EFHC1: variants seen among roughly 807,000 people sequenced by gnomAD.
EFHC1 encodes the protein EF-hand domain-containing protein 1.
Under a neutral mutation model 69.9 loss-of-function variants are expected in EFHC1, and 53 were observed. The ratio of observed to expected loss-of-function variants is 0.76; its 90% CI spans 0.61 to 0.95. EFHC1 has a LOEUF of 0.95. Ranked by LOEUF, EFHC1 falls within the 40% of genes least tolerant of loss-of-function variation. The probability of loss-of-function intolerance (pLI) is 0.00; values close to 1 mark genes in which losing one functional copy is unlikely to be tolerated. For missense variants in EFHC1, 739 were observed against 798.7 expected (o/e 0.93, Z 0.90); for synonymous variants, 256 against 278.4 (o/e 0.92, Z 0.80).
intron 3 of EFHC1, among the ~76,000 whole-genome samples, chr6:52,439,489 A>G (rs1353867508): frequency 1.3e-5 from 2 of 152,190 alleles, no homozygotes; most frequent in African/African-American, 4.8e-5. Flanking sequence ...TCAGATGACT[A>G]TGACAAGCTA....
intron 3 of EFHC1, among the ~76,000 whole-genome samples, chr6:52,440,422 C>T (rs1202670654): frequency 6.6e-6 from 1 of 152,034 alleles, no homozygotes; most frequent in African/African-American, 2.4e-5. Context: ...CACTGGGACC[C>T]TTTAAACAGC....
At chr6:52,448,319 C>G (rs917078721) in intron 3 of EFHC1, among the ~76,000 whole-genome samples, 1 of 152,224 alleles carries the variant, frequency 6.6e-6, no homozygotes, top group East Asian at 1.9e-4. Flanking sequence ...TTCAATCTCA[C>G]GCTGCTGTGC....
intron 5 of EFHC1, among the ~76,000 whole-genome samples, chr6:52,462,023 A>G (rs1461347074): frequency 1.3e-5 from 2 of 152,088 alleles, no homozygotes; most frequent in African/African-American, 4.8e-5. Context: ...ATTTCTTTCA[A>G]TAGTTGTTAG....
chr6:52,468,189 T>C (rs1338406137), intron 6 of EFHC1, among the ~76,000 whole-genome samples: 1 of 152,218 alleles, frequency 6.6e-6, no homozygotes, highest in African/African-American at 2.4e-5. Context: ...AAGCAGTATC[T>C]GAAGGTTATG....
rs150550566 is a variant in EFHC1 at position 52,493,365 on chromosome 6, C to CACATATATAT, written c.*1025_*1026insCATATATATA. 4.2e-5 allele frequency: 7 copies of CACATATATAT among 168,604 alleles called. No individual in the cohort carries two copies. Among genetic ancestry groups the CACATATATAT allele is most frequent in the Non-Finnish European group, 6.8e-5 (6 of 88,186 alleles). 10.4% of individuals were successfully genotyped at this position (168,604 alleles called of 1,614,324 possible). On this transcript the variant is annotated 3_prime_UTR_variant, in exon 11 of 11. Coordinates refer to ENST00000371068, the MANE Select transcript of EFHC1 (RefSeq NM_018100.4). Reference sequence around the variant, plus strand: ...ATAACTCTCTCTTTCTCTCTCTCTACATATATATATATATATATATTTTAT... The same window carrying CACATATATAT: ...ATAACTCTCTCTTTCTCTCTCTCTACACATATATATATATATATATATATATATATTTTAT...
At chr6:52,424,246 C>G in intron 2 of EFHC1, 79 bp downstream of exon 2, 1 of 1,359,328 alleles carries the variant, frequency 7.4e-7, no homozygotes, top group East Asian at 2.5e-5. Context: ...AAACAGTAAA[C>G]CACAGAATTT....
rs17851770 is a variant in EFHC1, at chr6:52,492,273, A to C, written c.1855A>C (p.Ile619Leu). 0.082 allele frequency: 132,272 copies of C among 1,613,132 alleles called. 6,446 individuals carry two copies. Among genetic ancestry groups the C allele is most frequent in the Non-Finnish European group, 0.096 (112,978 of 1,179,188 alleles). Residue 619 changes from isoleucine (I) to leucine (L), a missense_variant, in exon 11 of 11, where the codon ATC (isoleucine) becomes CTC (leucine). Transcript: ENST00000371068. ...PVDDSLVKEL[I>L]RMCSHGEGKI... ...ATTCTCTTTGCTCTCTCTGCAGTTA[A>C]TCAGGATGTGCTCTCATGGAGAAGG...
At chr6:52,457,642 C>T (rs1765072385) in intron 5 of EFHC1, among the ~76,000 whole-genome samples, 1 of 151,954 alleles carries the variant, frequency 6.6e-6, no homozygotes, top group Admixed American at 6.6e-5. Flanking sequence ...TGCATATTAC[C>T]AATAGGTGGC....
intron 9 of EFHC1, among the ~76,000 whole-genome samples, 182 bp from the exon 10 acceptor site, chr6:52,489,958 G>T (rs1046093498): frequency 1.3e-5 from 2 of 152,130 alleles, no homozygotes; most frequent in African/African-American, 4.8e-5. Context: ...GCCCCCAGTC[G>T]GGCCTTCCTG....
intron 5 of EFHC1, among the ~76,000 whole-genome samples, chr6:52,454,862 C>T (rs1455126489): frequency 1.3e-5 from 2 of 152,118 alleles, no homozygotes; most frequent in Middle Eastern, 3.4e-3. Flanking sequence ...GAGACTGAGG[C>T]GGGTGGATTG....
chr6:52,492,600 C>G lies in EFHC1; in HGVS notation c.*259C>G, dbSNP rs1307630193. The stretch of plus-strand genomic sequence containing the variant: ...TGGCCACAGGGGGCCCAAATATTTC[C>G]TTTCTTTCTTTTTAAAAAAATAAAT... On this transcript the variant is annotated 3_prime_UTR_variant, in exon 11 of 11. Coordinates refer to ENST00000371068, the MANE Select transcript of EFHC1 (RefSeq NM_018100.4). 1.7e-6 allele frequency: 1 copy of G among 595,806 alleles called. No individual in the cohort carries two copies. Among genetic ancestry groups the G allele is most frequent in the African/African-American group, 1.8e-5 (1 of 54,496 alleles). 36.9% of individuals were successfully genotyped at this position (595,806 alleles called of 1,614,324 possible). A position where few individuals can be genotyped will look rare whatever the true frequency, so the allele number is the denominator to read the frequency against.
rs1765627355 is a variant in EFHC1 at position 52,479,629 on chromosome 6, C to T, written c.1493-11C>T. 2 of 1,614,050 alleles carry T rather than the reference C, an allele frequency of 1.2e-6. No homozygotes were observed. The highest frequency in any genetic ancestry group is 1.6e-4 in the Middle Eastern group (1 of 6,084). Reference sequence around the variant, plus strand: ...ATCACCAAGCTAAGTGTGTTGCTACCTTCTCTCCAGTGTTTGGTCACCGGT... The same window carrying T: ...ATCACCAAGCTAAGTGTGTTGCTACTTTCTCTCCAGTGTTTGGTCACCGGT... On this transcript the variant is annotated splice_polypyrimidine_tract_variant and intron_variant, in intron 8 of 10. Coordinates refer to ENST00000371068, the MANE Select transcript of EFHC1 (RefSeq NM_018100.4).
rs1429501801 is a variant in EFHC1 at position 52,466,425 on chromosome 6, A to G, written c.1137+1310A>G. Reference sequence around the variant, plus strand: ...TTATTCTTACATGCAGCTCTTTTTTATCCTCCAATACCCAGTGTAGGCTTC... The same window carrying G: ...TTATTCTTACATGCAGCTCTTTTTTGTCCTCCAATACCCAGTGTAGGCTTC... On this transcript the variant is annotated intron_variant, in intron 6 of 10. Coordinates refer to ENST00000371068, the MANE Select transcript of EFHC1 (RefSeq NM_018100.4). Among the ~76,000 whole-genome samples the G allele has an allele frequency of 2.0e-5, 3 of 152,132 alleles. No homozygotes were observed. In the East Asian group the frequency reaches 5.8e-4, roughly 29 times the overall value.
At chr6:52,438,983 G>A (rs1050355058) in intron 3 of EFHC1, among the ~76,000 whole-genome samples, 2 of 152,100 alleles carry the variant, frequency 1.3e-5, no homozygotes, top group Non-Finnish European at 2.9e-5. Context: ...TAGCAGATAT[G>A]AGCCTAAAAT....
intron 3 of EFHC1, among the ~76,000 whole-genome samples, chr6:52,452,037 A>G (rs994886425): frequency 1.3e-5 from 2 of 150,562 alleles, no homozygotes; most frequent in Admixed American, 6.6e-5. Context: ...AAAGTAAGCA[A>G]TCCTAAGACT....
In EFHC1 at chr6:52,424,186, G is replaced by C. The variant is rs1243298849; in HGVS notation, c.285+19G>C. 6.2e-7 allele frequency: 1 copy of C among 1,610,506 alleles called. No homozygotes were observed. The highest frequency in any genetic ancestry group is 8.5e-7 in the Non-Finnish European group (1 of 1,178,176). The stretch of plus-strand genomic sequence containing the variant: ...CAAAAAGGTATCATCTGGAATTTTA[G>C]GGTACCCCTTGAATTAGGGTCTGAG... On this transcript the variant is annotated intron_variant, in intron 2 of 10. Transcript: ENST00000371068.
chr6:52,440,759 A>G (rs992498454), intron 3 of EFHC1, among the ~76,000 whole-genome samples: 2 of 152,172 alleles, frequency 1.3e-5, no homozygotes, highest in Non-Finnish European at 2.9e-5. Context: ...TCACCAGTGT[A>G]TAAACATTTC....
intron 5 of EFHC1, among the ~76,000 whole-genome samples, chr6:52,458,707 A>G (rs1765098016): frequency 6.6e-6 from 1 of 152,216 alleles, no homozygotes; most frequent in South Asian, 2.1e-4. Context: ...TGAGGAAAAC[A>G]GTTTGGAGAT....
At chr6:52,474,484 A>T (rs1318471717) in intron 7 of EFHC1, among the ~76,000 whole-genome samples, 2 of 152,236 alleles carry the variant, frequency 1.3e-5, no homozygotes, top group Non-Finnish European at 2.9e-5. Context: ...CCCACTTTGT[A>T]AAACAGTTTG....
Sources: gnomAD v4.1 joint callset for allele counts (sites outside exome capture counted in the v4.1 genomes callset) on GRCh38, gnomAD v4.1.1 for gene constraint, MANE v1.5 for transcripts, NCBI Gene and HGNC (gene_info 2026-07-23, HGNC 2026-07-21) for gene names.